Variants in TBC1D19 observed in about 807,000 individuals in gnomAD.
The protein encoded by TBC1D19 is TBC1 domain family member 19.
Under a neutral mutation model 89.0 loss-of-function variants are expected in TBC1D19, and 60 were observed. That is an observed-to-expected ratio of 0.67 (90% CI 0.55 to 0.84). TBC1D19 has a LOEUF of 0.84. TBC1D19 is among the 40% of genes least tolerant of loss of function. The pLI, the probability that TBC1D19 is intolerant of heterozygous loss-of-function variation, is 0.00. For missense variants in TBC1D19, 500 were observed against 610.8 expected (o/e 0.82, Z 1.91); for synonymous variants, 189 against 199.7 (o/e 0.95, Z 0.45).
intron 1 of TBC1D19, among the ~76,000 whole-genome samples, chr4:26,587,642 C>G (rs546851848): frequency 6.8e-6 from 1 of 146,482 alleles, no homozygotes; most frequent in Non-Finnish European, 1.5e-5. Flanking sequence ...TGTCTGCTTT[C>G]GATACCAGTT....
At position 26,659,619 on chromosome 4, in the gene TBC1D19, C is replaced by G. The variant is rs370647865; in HGVS notation, c.503C>G (p.Pro168Arg). The change falls in exon 8 of 21, where the codon CCA (proline) becomes CGA (arginine). Residue 168 changes from proline to arginine, a missense_variant. Pro to Arg is a moderately radical substitution (Grantham distance 103). Transcript: ENST00000264866. ...AAGGTATTAATTAATCTTCGCAACC[C>G]AAATTATGAAAACGGTGATTCTCTT... ...FLEVLINLRN[P>R]NYENGDSLSF... 8.8e-6 allele frequency: 14 copies of G among 1,585,968 alleles called. No homozygotes were observed. The highest frequency in any genetic ancestry group is 5.4e-5 in the African/African-American group (4 of 74,606).
chr4:26,848,584 A>C, the TBC1D19 span, among the ~76,000 whole-genome samples: 1 of 152,244 alleles, frequency 6.6e-6, no homozygotes, highest in East Asian at 1.9e-4. Context: ...ACATAGGTTT[A>C]AGTTTCTACA....
At chr4:26,643,855 C>T (rs370258742) in intron 7 of TBC1D19, among the ~76,000 whole-genome samples, 8 of 152,122 alleles carry the variant, frequency 5.3e-5, no homozygotes, top group East Asian at 1.9e-4. Flanking sequence ...TCGACACATA[C>T]GCCCTCCCAA....
At chr4:26,853,018 G>C in the TBC1D19 span, among the ~76,000 whole-genome samples, 7 of 152,132 alleles carry the variant, frequency 4.6e-5, no homozygotes, top group Non-Finnish European at 4.4e-5. Flanking sequence ...TGGCGTCCCC[G>C]CTCCTACCAT....
intron 8 of TBC1D19, among the ~76,000 whole-genome samples, chr4:26,664,194 AG>A (rs1711585299): frequency 6.6e-6 from 1 of 152,202 alleles, no homozygotes; most frequent in South Asian, 2.1e-4. Context: ...AGGTTGATAA[AG>A]GATAATATAT....
rs1487239453 is a variant in TBC1D19, at chr4:26,624,660, G to A, written c.294+3972G>A. 2.6e-5 allele frequency among the ~76,000 whole-genome samples: 4 copies of A among 152,114 alleles called. No individual in the cohort carries two copies. In the East Asian group the frequency reaches 7.7e-4, roughly 29 times the overall value. ...TTAGTAACTTTATGTTGGATTGATAGTAAAGGAGTTAGCCATCTATTTTCC... is the reference window on the plus strand; with the variant it reads ...TTAGTAACTTTATGTTGGATTGATAATAAAGGAGTTAGCCATCTATTTTCC... On this transcript the variant is annotated intron_variant, in intron 4 of 20. Transcript: ENST00000264866.
the TBC1D19 span, among the ~76,000 whole-genome samples, chr4:26,841,009 T>A: frequency 6.6e-6 from 1 of 151,656 alleles, no homozygotes; most frequent in Admixed American, 6.6e-5. Flanking sequence ...TGAGTGCAGG[T>A]GTAAGAAGGG....
At chr4:26,673,947 C>T (rs761821665) in intron 11 of TBC1D19, 59 bp downstream of exon 11, 2 of 1,019,276 alleles carry the variant, frequency 2.0e-6, no homozygotes, top group East Asian at 2.7e-5. Flanking sequence ...TTTTCAAAGA[C>T]CAGTTATTCA....
intron 4 of TBC1D19, among the ~76,000 whole-genome samples, chr4:26,630,302 A>T (rs1367639578): frequency 1.3e-5 from 2 of 151,970 alleles, no homozygotes; most frequent in African/African-American, 4.8e-5. Flanking sequence ...TTTAGAGAGG[A>T]TATAGGTTTG....
intron 7 of TBC1D19, among the ~76,000 whole-genome samples, chr4:26,656,724 A>G (rs2109064486): frequency 6.6e-6 from 1 of 152,000 alleles, no homozygotes; most frequent in South Asian, 2.1e-4. Flanking sequence ...ACACCCAGCT[A>G]ATTTTTTGTA....
At chr4:26,783,152 C>T in the TBC1D19 span, among the ~76,000 whole-genome samples, 5 of 152,074 alleles carry the variant, frequency 3.3e-5, no homozygotes, top group Non-Finnish European at 7.4e-5. Context: ...CTTTAATAAT[C>T]GAAGATAATC....
chr4:26,626,879 TTTTATTTTTTTATTTTATTA>T (rs1742445889), intron 4 of TBC1D19, among the ~76,000 whole-genome samples: 1 of 149,412 alleles, frequency 6.7e-6, no homozygotes, highest in African/African-American at 2.4e-5. Context: ...TTATTTTATT[TTTTATTTTTTTATTTTATTA>T]TTATTATACT....
the TBC1D19 span, among the ~76,000 whole-genome samples, chr4:26,845,422 A>T: frequency 6.6e-6 from 1 of 152,188 alleles, no homozygotes; most frequent in Non-Finnish European, 1.5e-5. Flanking sequence ...TTTTAAGTGT[A>T]CAATTTAGTG....
chr4:26,691,846 C>T (rs1714316759), intron 13 of TBC1D19, among the ~76,000 whole-genome samples: 1 of 152,114 alleles, frequency 6.6e-6, no homozygotes, highest in Non-Finnish European at 1.5e-5. Flanking sequence ...TGCCAATAAC[C>T]TCTGTACTTC....
chr4:26,681,401 AT>A (rs1713328195), intron 11 of TBC1D19, among the ~76,000 whole-genome samples: 1 of 151,882 alleles, frequency 6.6e-6, no homozygotes, highest in African/African-American at 2.4e-5. Flanking sequence ...AAAAAAAAAA[AT>A]CAGGCGGGTA....
Position 26,659,721 on chromosome 4 carries a change from C to T in TBC1D19, c.591+14C>T. On this transcript the variant is annotated intron_variant, in intron 8 of 20. Transcript: ENST00000264866. ...ATCCCTGAATTGGTAAGTATAGAAA[C>T]TTAAAAATAAACATCATTTAGAAGA... is the stretch of plus-strand genomic sequence containing the variant. The T allele has an allele frequency of 6.7e-7, 1 of 1,497,948 alleles. No individual in the cohort carries two copies. Among genetic ancestry groups the T allele is most frequent in the Non-Finnish European group, 9.1e-7 (1 of 1,094,820 alleles). The allele number at this position is 1,497,948 out of a possible 1,614,324, so 92.8% of individuals were successfully genotyped here. A position where few individuals can be genotyped will look rare whatever the true frequency, so the allele number is the denominator to read the frequency against.
intron 12 of TBC1D19, among the ~76,000 whole-genome samples, chr4:26,687,110 G>T (rs2109153753): frequency 6.6e-6 from 1 of 152,054 alleles, no homozygotes; most frequent in East Asian, 1.9e-4. Context: ...ATTATATATT[G>T]GGTCTAAAAG....
chr4:26,843,081 G>C, the TBC1D19 span, among the ~76,000 whole-genome samples: 1 of 152,152 alleles, frequency 6.6e-6, no homozygotes, highest in African/African-American at 2.4e-5. Context: ...AGTTATTTCT[G>C]AGCACAGGCT....
intron 15 of TBC1D19, among the ~76,000 whole-genome samples, chr4:26,734,977 CATAT>C (rs1717903993): frequency 6.7e-6 from 1 of 149,616 alleles, no homozygotes; most frequent in Non-Finnish European, 1.5e-5. Flanking sequence ...TATGTATACA[CATAT>C]GTATATGTAT....
Sources: allele counts gnomAD v4.1 joint callset (sites outside exome capture counted in the v4.1 genomes callset), GRCh38; gene constraint gnomAD v4.1.1; transcripts MANE v1.5; gene names NCBI Gene and HGNC (gene_info 2026-07-23, HGNC 2026-07-21).